WDR73: variants seen among roughly 807,000 people sequenced by gnomAD.
WDR73 encodes integrator complex assembly factor WDR73.
A neutral mutation model predicts 38.2 loss-of-function variants in WDR73; 30 were observed. That is an observed-to-expected ratio of 0.79 (90% CI 0.59 to 1.06). The LOEUF is 1.06. Among genes scored for constraint, WDR73 ranks in the 50% least tolerant of loss-of-function variants. The pLI is 0.00. For synonymous variants in WDR73, 197 were observed against 176.0 expected, an observed-to-expected ratio of 1.12 and a Z score of -0.94; for missense variants, 487 against 467.0, an observed-to-expected ratio of 1.04 and a Z score of -0.40.
chr15:84,645,237 G>A, intron 7 of WDR73: 1 of 1,415,796 alleles, frequency 7.1e-7, no homozygotes, highest in South Asian at 1.4e-5. Flanking sequence ...CCACCAACCT[G>A]AGACCTGAAT....
Position 84,645,501 on chromosome 15 carries a change from G to C in WDR73, c.853C>G (p.Pro285Ala), listed in dbSNP as rs1896418888. ...DPELLRVTWAPGLKNCLAISG... is the reference protein window; with the variant it reads ...DPELLRVTWAAGLKNCLAISG... Reference sequence around the variant, plus strand: ...ATGGCCAAGCAATTCTTCAGGCCTGGGGCCCAAGTCACTCGCAGCAGCTCT... The same window carrying C: ...ATGGCCAAGCAATTCTTCAGGCCTGCGGCCCAAGTCACTCGCAGCAGCTCT... Residue 285 changes from proline to alanine, a missense_variant, in exon 7 of 8, where the codon CCA becomes GCA. Transcript: ENST00000434634. 6.2e-7 allele frequency: 1 copy of C among 1,612,376 alleles called. No homozygotes were observed. Among genetic ancestry groups the C allele is most frequent in the Non-Finnish European group, 8.5e-7 (1 of 1,179,202 alleles).
rs2141828849 is a variant in WDR73, at chr15:84,640,987, G to A, written c.*2483C>T. On this transcript the variant is annotated 3_prime_UTR_variant, in exon 8 of 8. Transcript: ENST00000434634. ...TGAAAATAGATAAGGGCATTATCCT[G>A]TACCCTCAAAGGAGTAAAAGGGGGA... 1 of 152,204 alleles carries A rather than the reference G, an allele frequency of 6.6e-6. No homozygotes were observed. 9.4% of individuals were successfully genotyped at this position (152,204 alleles called of 1,614,324 possible).
At position 84,641,267 on chromosome 15, in the gene WDR73, G is replaced by C. The variant is rs914412575; in HGVS notation, c.*2203C>G. ...TTCAGAAAACGTCCAGTGCAGGTGG[G>C]AAATGAATGGGAGCTAGCATTCCAC... is the stretch of plus-strand genomic sequence containing the variant. On this transcript the variant is annotated 3_prime_UTR_variant, in exon 8 of 8. Coordinates refer to ENST00000434634, the MANE Select transcript of WDR73 (RefSeq NM_032856.5). The C allele has an allele frequency of 1.3e-5, 2 of 152,188 alleles. No individual in the cohort carries two copies. The highest frequency in any genetic ancestry group is 2.9e-5 in the Non-Finnish European group (2 of 68,048). The allele number at this position is 152,188 out of a possible 1,614,324, so 9.4% of individuals were successfully genotyped here. A position where few individuals can be genotyped will look rare whatever the true frequency, so the allele number is the denominator to read the frequency against.
chr15:84,643,389 T>C lies in WDR73; in HGVS notation c.*81A>G. On this transcript the variant is annotated 3_prime_UTR_variant, in exon 8 of 8. Transcript: ENST00000434634. ...CACAGCTGGTAACAGGGACTGGTAG[T>C]CACTTGAGTCCTACATGAGCACCCT... The C allele has an allele frequency of 2.0e-6, 3 of 1,488,282 alleles. No individual in the cohort carries two copies. Among genetic ancestry groups the C allele is most frequent in the Non-Finnish European group, 2.7e-6 (3 of 1,109,984 alleles). The allele number at this position is 1,488,282 out of a possible 1,614,324, so 92.2% of individuals were successfully genotyped here. A position where few individuals can be genotyped will look rare whatever the true frequency, so the allele number is the denominator to read the frequency against.
chr15:84,647,574 G>C (rs1896502430), intron 5 of WDR73: 1 of 318,852 alleles, frequency 3.1e-6, no homozygotes, highest in African/African-American at 2.1e-5. Flanking sequence ...TCGGCTCACT[G>C]TAACCTCCGC....
chr15:84,654,105 G>A lies in WDR73; in HGVS notation c.41+129C>T. ...CCTAGGCCCAGGCGGAGTCCTCCAC[G>A]GTGGCGAGCCCCGAGGCCACAGCTG... On this transcript the variant is annotated intron_variant, in intron 1 of 7. Transcript: ENST00000434634. The A allele has an allele frequency of 2.4e-6, 3 of 1,251,396 alleles. No individual in the cohort carries two copies. In the Middle Eastern group the frequency reaches 5.7e-4, roughly 237 times the overall value. The allele number at this position is 1,251,396 out of a possible 1,614,324, so 77.5% of individuals were successfully genotyped here. A position where few individuals can be genotyped will look rare whatever the true frequency, so the allele number is the denominator to read the frequency against.
chr15:84,645,678 ATC>A lies in WDR73; in HGVS notation c.674_675del (p.Arg225MetfsTer4), dbSNP rs1337668635. The A allele has an allele frequency of 6.2e-7, 1 of 1,608,562 alleles. No individual in the cohort carries two copies. Among genetic ancestry groups the A allele is most frequent in the Admixed American group, 1.7e-5 (1 of 58,988 alleles). Reference sequence around the variant, plus strand: ...CCCCAGCTCCCAACTTCAGCACACCATCTCTCTCCACCAGACCCAGGGCCAGG... The same window carrying A: ...CCCCAGCTCCCAACTTCAGCACACCATCTCTCCACCAGACCCAGGGCCAGG... The part of the protein sequence containing the change: ...RSPGPGSGGE[R>X]WCAEVGSWGQ... On this transcript the variant is annotated frameshift_variant, in exon 7 of 8. Coordinates refer to ENST00000434634, the MANE Select transcript of WDR73 (RefSeq NM_032856.5). LOFTEE classifies it high-confidence loss of function.
chr15:84,646,104 C>T, intron 6 of WDR73, 80 bp downstream of exon 6: 7 of 1,599,074 alleles, frequency 4.4e-6, no homozygotes, highest in Non-Finnish European at 6.0e-6. Flanking sequence ...GAGAGTTGAA[C>T]TCAGTTTTTA....
At chr15:84,646,730 ATAT>A (rs1896475752) in intron 5 of WDR73, 1 of 186,542 alleles carries the variant, frequency 5.4e-6, no homozygotes, top group African/African-American at 2.4e-5. Flanking sequence ...TCATGAACTG[ATAT>A]TATTTCTTCA....
At position 84,643,590 on chromosome 15, in the gene WDR73, G is replaced by A. The variant is rs1033059125; in HGVS notation, c.1017C>T (p.Asp339=). The part of the protein sequence containing the change: ...GHIFLDGNGM[D]PAPLVTTHTW... Reference sequence around the variant, plus strand: ...TGTGGGTGGTGACCAAAGGAGCAGGGTCCATCCCATTTCCATCTAGGAAGA... The same window carrying A: ...TGTGGGTGGTGACCAAAGGAGCAGGATCCATCCCATTTCCATCTAGGAAGA... Residue 339 remains aspartate, a synonymous_variant, in exon 8 of 8, where the codon GAC becomes GAT. Transcript: ENST00000434634. 1.9e-6 allele frequency: 3 copies of A among 1,612,568 alleles called. No individual in the cohort carries two copies. The highest frequency in any genetic ancestry group is 1.6e-4 in the Middle Eastern group (1 of 6,082).
chr15:84,643,595 T>G lies in WDR73; in HGVS notation c.1012A>C (p.Met338Leu). 2 of 1,612,786 alleles carry G rather than the reference T, an allele frequency of 1.2e-6. No individual in the cohort carries two copies. The highest frequency in any genetic ancestry group is 1.7e-6 in the Non-Finnish European group (2 of 1,179,424). Reference protein sequence around the residue: ...RGHIFLDGNGMDPAPLVTTHT... With the variant: ...RGHIFLDGNGLDPAPLVTTHT... ...GTGGTGACCAAAGGAGCAGGGTCCA[T>G]CCCATTTCCATCTAGGAAGATGTGA... The change falls in exon 8 of 8, where the codon ATG (methionine) becomes CTG (leucine). Residue 338 changes from methionine (M) to leucine (L), a missense_variant. By Grantham distance (15) the Met-to-Leu change is conservative. Coordinates refer to ENST00000434634, the MANE Select transcript of WDR73 (RefSeq NM_032856.5).
rs181887757 is a variant in WDR73, at chr15:84,652,606, T to C, written c.198+108A>G. 1.5e-5 allele frequency: 9 copies of C among 619,302 alleles called. No individual in the cohort carries two copies. In the East Asian group the frequency reaches 2.5e-4, roughly 17 times the overall value. The allele number at this position is 619,302 out of a possible 1,614,324, so 38.4% of individuals were successfully genotyped here. A position where few individuals can be genotyped will look rare whatever the true frequency, so the allele number is the denominator to read the frequency against. On this transcript the variant is annotated intron_variant, in intron 3 of 7. Coordinates refer to ENST00000434634, the MANE Select transcript of WDR73 (RefSeq NM_032856.5). ...AGACTAGAAGGGCAGGCCTAGCGCT[T>C]TCTCTCTTTCTAGTATCCAGGACAA...
chr15:84,648,363 G>A (rs1896527656), intron 4 of WDR73, 174 bp downstream of exon 4: 2 of 606,036 alleles, frequency 3.3e-6, no homozygotes, highest in African/African-American at 1.8e-5. Context: ...AGCCACAGCA[G>A]TGGTTTCTTT....
rs111276365 is a variant in WDR73 at position 84,652,499 on chromosome 15, T to C, written c.198+215A>G. ...AAATCTATTTCTGATAAAGTATAAC[T>C]GACCTCCTCCTCTGATAGCCCTCTG... On this transcript the variant is annotated intron_variant, in intron 3 of 7. Transcript: ENST00000434634. Among the ~76,000 whole-genome samples, 607 of 152,314 alleles carry C rather than the reference T, an allele frequency of 4.0e-3. 4 individuals are homozygous for C. Among genetic ancestry groups the C allele is most frequent in the African/African-American group, 0.014 (577 of 41,552 alleles).
At chr15:84,652,667 A>C in intron 3 of WDR73, 47 bp downstream of exon 3, 1 of 1,158,718 alleles carries the variant, frequency 8.6e-7, no homozygotes, top group South Asian at 1.5e-5. Flanking sequence ...CAAATGTTTA[A>C]TAAATAAATA....
intron 1 of WDR73, chr15:84,654,027 A>G (rs1247202433): frequency 4.5e-6 from 3 of 660,356 alleles, no homozygotes; most frequent in East Asian, 2.7e-5. Flanking sequence ...GGCTCTTACT[A>G]GTAATCTCAC....
chr15:84,646,463 C>G (rs1049317560), intron 5 of WDR73, 115 bp from the exon 6 acceptor site: 1 of 1,469,654 alleles, frequency 6.8e-7, no homozygotes, highest in Non-Finnish European at 9.0e-7. Context: ...AAGGAGCTGC[C>G]GGCTGGCAAG....
At chr15:84,648,762 T>C in intron 3 of WDR73, 137 bp from the exon 4 acceptor site, 2 of 681,316 alleles carry the variant, frequency 2.9e-6, no homozygotes, top group Non-Finnish European at 5.2e-6. Context: ...GTTGGTGTCC[T>C]GGTATTTGGC....
At chr15:84,654,194 T>A in intron 1 of WDR73, 40 bp downstream of exon 1, 1 of 1,613,528 alleles carries the variant, frequency 6.2e-7, no homozygotes, top group East Asian at 2.2e-5. Context: ...CCAGGCAAGC[T>A]CCAGGCCCAG....
Sources: gnomAD v4.1 joint callset for allele counts (sites outside exome capture counted in the v4.1 genomes callset) on GRCh38, gnomAD v4.1.1 for gene constraint, MANE v1.5 for transcripts, NCBI Gene and HGNC (gene_info 2026-07-23, HGNC 2026-07-21) for gene names.